Variants in PTPRD observed in about 807,000 individuals in gnomAD.
The protein encoded by PTPRD is protein tyrosine phosphatase receptor type D, also known as receptor-type tyrosine-protein phosphatase delta.
Under a neutral mutation model 214.5 loss-of-function variants are expected in PTPRD, and 34 were observed. The ratio of observed to expected loss-of-function variants is 0.16; its 90% CI spans 0.12 to 0.21. The LOEUF (loss-of-function observed/expected upper bound fraction) is 0.21, where lower values mean the gene tolerates loss of function less well. Among genes scored for constraint, PTPRD ranks in the 10% least tolerant of loss-of-function variants. The probability of loss-of-function intolerance (pLI) is 1.00; values close to 1 mark genes in which losing one functional copy is unlikely to be tolerated. For missense variants in PTPRD, 2,545 were observed against 2,398.7 expected (o/e 1.06, Z -1.27); for synonymous variants, 1,128 against 845.7 (o/e 1.33, Z -5.79).
chr9:10,481,868 G>A (rs974744033), intron 2 of PTPRD, among the ~76,000 whole-genome samples: 1 of 152,068 alleles, frequency 6.6e-6, no homozygotes, highest in African/African-American at 2.4e-5. Flanking sequence ...ACAACCAGCA[G>A]ATTCATTTGC....
chr9:9,945,348 C>G (rs1445449602), intron 4 of PTPRD, among the ~76,000 whole-genome samples: 1 of 151,804 alleles, frequency 6.6e-6, no homozygotes, highest in Non-Finnish European at 1.5e-5. Flanking sequence ...CATGAGGTCA[C>G]CAAAGGGTGA....
At chr9:10,181,137 G>T (rs537097130) in intron 3 of PTPRD, among the ~76,000 whole-genome samples, 2 of 151,994 alleles carry the variant, frequency 1.3e-5, no homozygotes, top group African/African-American at 4.8e-5. Flanking sequence ...GTTAATGAAT[G>T]ATTATGATTT....
intron 11 of PTPRD, among the ~76,000 whole-genome samples, chr9:8,874,436 G>A (rs1214209212): frequency 1.3e-5 from 2 of 152,146 alleles, no homozygotes; most frequent in African/African-American, 2.4e-5. Flanking sequence ...TAGTTGCAGA[G>A]TCTAATTCTG....
chr9:9,948,326 T>A (rs1586850780), intron 4 of PTPRD, among the ~76,000 whole-genome samples: 1 of 152,166 alleles, frequency 6.6e-6, no homozygotes, highest in Non-Finnish European at 1.5e-5. Context: ...CTCAATAGAT[T>A]GGGATATTCT....
intron 3 of PTPRD, among the ~76,000 whole-genome samples, chr9:10,054,994 A>AAAG (rs1567356738): frequency 0.068 from 9,855 of 145,900 alleles, 387 homozygotes; most frequent in Non-Finnish European, 0.089. Flanking sequence ...AAGAAAGAAA[A>AAAG]AAAGAAAGAA....
intron 14 of PTPRD, among the ~76,000 whole-genome samples, chr9:8,555,857 C>T (rs768486586): frequency 2.6e-5 from 4 of 152,146 alleles, no homozygotes; most frequent in Non-Finnish European, 4.4e-5. Context: ...GATAAACATT[C>T]CACTGGACCA....
chr9:9,428,431 T>C (rs1588146120), intron 8 of PTPRD, among the ~76,000 whole-genome samples: 1 of 152,172 alleles, frequency 6.6e-6, no homozygotes, highest in South Asian at 2.1e-4. Context: ...CAAAGAGACT[T>C]AGACTCCCAC....
chr9:10,403,460 T>C (rs918862152), intron 2 of PTPRD, among the ~76,000 whole-genome samples: 32 of 151,346 alleles, frequency 2.1e-4, no homozygotes, highest in Admixed American at 2.0e-3. Context: ...CCTATTAGAA[T>C]TGACAAAATC....
Position 10,612,938 on chromosome 9 carries a change from G to C in PTPRD, c.-958C>G, listed in dbSNP as rs1011668618. On this transcript the variant is annotated 5_prime_UTR_variant, in exon 1 of 46. Transcript: ENST00000381196. ...TGCGGGCGCGGCTGGGCGGGGAGCC[G>C]AGGCGGCCGCTCCCGCACTCGCTCG... Among the ~76,000 whole-genome samples the C allele has an allele frequency of 4.6e-4, 69 of 151,584 alleles. No homozygotes were observed. Among genetic ancestry groups the C allele is most frequent in the Middle Eastern group, 3.4e-3 (1 of 290 alleles).
At chr9:9,386,121 T>G (rs1256669699) in intron 9 of PTPRD, among the ~76,000 whole-genome samples, 2 of 152,154 alleles carry the variant, frequency 1.3e-5, no homozygotes, top group African/African-American at 4.8e-5. Flanking sequence ...TGAAATTGTA[T>G]TACCTGAGTC....
intron 3 of PTPRD, among the ~76,000 whole-genome samples, chr9:10,081,750 T>C (rs1184002348): frequency 6.6e-6 from 1 of 152,122 alleles, no homozygotes; most frequent in African/African-American, 2.4e-5. Flanking sequence ...GAAATAGCAT[T>C]GGTTTTCACG....
At chr9:10,533,386 A>G (rs749293107) in intron 2 of PTPRD, among the ~76,000 whole-genome samples, 1 of 152,164 alleles carries the variant, frequency 6.6e-6, no homozygotes, top group Non-Finnish European at 1.5e-5. Context: ...GACAAGGAAA[A>G]ATATTCTTAT....
chr9:10,031,245 A>G (rs548328010), intron 4 of PTPRD, among the ~76,000 whole-genome samples: 2 of 152,232 alleles, frequency 1.3e-5, no homozygotes, highest in South Asian at 4.1e-4. Context: ...GCCATAATCA[A>G]TACTTTACTG....
At chr9:9,302,429 G>A (rs987964381) in intron 9 of PTPRD, among the ~76,000 whole-genome samples, 4 of 151,696 alleles carry the variant, frequency 2.6e-5, no homozygotes, top group Admixed American at 6.6e-5. Flanking sequence ...GCAAAACCAC[G>A]TGTGAAAGTG....
intron 10 of PTPRD, among the ~76,000 whole-genome samples, chr9:9,132,390 G>A (rs1592147356): frequency 6.6e-6 from 1 of 152,124 alleles, no homozygotes; most frequent in Non-Finnish European, 1.5e-5. Flanking sequence ...ATCTGCAAAT[G>A]TGCAAATTAC....
intron 2 of PTPRD, among the ~76,000 whole-genome samples, chr9:10,426,968 T>C (rs1389429620): frequency 6.6e-6 from 1 of 152,080 alleles, no homozygotes; most frequent in Non-Finnish European, 1.5e-5. Flanking sequence ...AGGCCCAATG[T>C]ATCAATATTA....
Position 9,692,349 on chromosome 9 carries a change from A to G in PTPRD, c.-287+42184T>C, listed in dbSNP as rs573305819. Among the ~76,000 whole-genome samples, 44 of 152,156 alleles carry G rather than the reference A, an allele frequency of 2.9e-4. 1 individual carries two copies. The South Asian group carries it at 8.7e-3, about 30-fold the overall frequency. On this transcript the variant is annotated intron_variant, in intron 7 of 45. Transcript: ENST00000381196. ...AAGTTTCATTCTTCTGCATATGGAT[A>G]TCCAGTATTCCCAGCACCATTTATT...
intron 5 of PTPRD, among the ~76,000 whole-genome samples, chr9:9,775,142 C>CAT: frequency 6.6e-6 from 1 of 152,108 alleles, no homozygotes; most frequent in Admixed American, 6.6e-5. Flanking sequence ...TATCTGTCAC[C>CAT]CCACAAGTTC....
At chr9:8,354,519 T>G (rs1300643698) in intron 39 of PTPRD, among the ~76,000 whole-genome samples, 2 of 152,254 alleles carry the variant, frequency 1.3e-5, no homozygotes, top group Admixed American at 6.5e-5. Flanking sequence ...AATTTTCTTT[T>G]TCTTTCCTGT....
Sources: gnomAD v4.1 joint callset for allele counts (sites outside exome capture counted in the v4.1 genomes callset) on GRCh38, gnomAD v4.1.1 for gene constraint, MANE v1.5 for transcripts, NCBI Gene and HGNC (gene_info 2026-07-23, HGNC 2026-07-21) for gene names.